CLSTN2: variants seen among roughly 807,000 people sequenced by gnomAD.
The protein encoded by CLSTN2 is calsyntenin 2.
CLSTN2 carries 48 observed loss-of-function variants against 101.2 expected under a neutral mutation model. The ratio of observed to expected loss-of-function variants is 0.47; its 90% CI spans 0.38 to 0.60. CLSTN2 has a LOEUF of 0.60. CLSTN2 is among the 20% of genes least tolerant of loss of function. The probability of loss-of-function intolerance (pLI) is 0.00; values close to 1 mark genes in which losing one functional copy is unlikely to be tolerated. For missense variants in CLSTN2, 1,160 were observed against 1,238.2 expected (o/e 0.94, Z 0.95); for synonymous variants, 481 against 463.6 (o/e 1.04, Z -0.48).
At chr3:140,237,673 T>G (rs1446013974) in intron 2 of CLSTN2, among the ~76,000 whole-genome samples, 1 of 152,240 alleles carries the variant, frequency 6.6e-6, no homozygotes, top group African/African-American at 2.4e-5. Context: ...ACCTTATTTA[T>G]TTCTGTTTCT....
At chr3:140,555,343 T>A (rs1935772900) in intron 10 of CLSTN2, among the ~76,000 whole-genome samples, 1 of 152,182 alleles carries the variant, frequency 6.6e-6, no homozygotes, top group African/African-American at 2.4e-5. Flanking sequence ...ATCAAGCCTA[T>A]TAACAATAGG....
chr3:140,317,645 C>T (rs2087242100), intron 2 of CLSTN2, among the ~76,000 whole-genome samples: 1 of 152,110 alleles, frequency 6.6e-6, no homozygotes, highest in Non-Finnish European at 1.5e-5. Flanking sequence ...CAAATGGGAA[C>T]CTAACTTACT....
chr3:140,472,401 C>T (rs1267743290), intron 8 of CLSTN2, among the ~76,000 whole-genome samples: 1 of 152,150 alleles, frequency 6.6e-6, no homozygotes, highest in Non-Finnish European at 1.5e-5. Context: ...TGCATCTGCT[C>T]ATTCGGTTTC....
chr3:140,001,735 A>G (rs1308691944), intron 1 of CLSTN2, among the ~76,000 whole-genome samples: 1 of 149,470 alleles, frequency 6.7e-6, no homozygotes, highest in East Asian at 1.9e-4. Context: ...TTTTTTCTGT[A>G]CCCATTAACC....
At chr3:140,520,986 G>C (rs1276924820) in intron 8 of CLSTN2, among the ~76,000 whole-genome samples, 1 of 150,044 alleles carries the variant, frequency 6.7e-6, no homozygotes, top group African/African-American at 2.4e-5. Context: ...CTCATGTTGT[G>C]TTCCTCTCTA....
intron 8 of CLSTN2, among the ~76,000 whole-genome samples, chr3:140,473,996 G>A (rs933854735): frequency 3.3e-5 from 5 of 151,978 alleles, no homozygotes; most frequent in South Asian, 2.1e-4. Flanking sequence ...GGATGGTCTC[G>A]ATCTCCTGAC....
At chr3:140,281,985 G>A (rs1335960797) in intron 2 of CLSTN2, among the ~76,000 whole-genome samples, 1 of 152,080 alleles carries the variant, frequency 6.6e-6, no homozygotes, top group African/African-American at 2.4e-5. Flanking sequence ...GAAATAAAAT[G>A]TAATAGTGAC....
intron 12 of CLSTN2, among the ~76,000 whole-genome samples, chr3:140,560,069 C>G (rs927468676): frequency 2.0e-5 from 3 of 152,192 alleles, no homozygotes; most frequent in Non-Finnish European, 4.4e-5. Context: ...CACCAGCATA[C>G]AGGCAATGCA....
chr3:140,177,693 C>T (rs73868800), intron 2 of CLSTN2, among the ~76,000 whole-genome samples: 7,703 of 151,850 alleles, frequency 0.051, 611 homozygotes, highest in African/African-American at 0.17. Context: ...CTCAGGAAGC[C>T]GAGGCAGGAG....
chr3:140,043,623 G>A (rs879168216), intron 1 of CLSTN2, among the ~76,000 whole-genome samples: 1 of 152,124 alleles, frequency 6.6e-6, no homozygotes, highest in Non-Finnish European at 1.5e-5. Flanking sequence ...GAATGGTATT[G>A]CCTAGGTTTT....
At chr3:139,958,263 A>T (rs1417300636) in intron 1 of CLSTN2, among the ~76,000 whole-genome samples, 1 of 152,180 alleles carries the variant, frequency 6.6e-6, no homozygotes, top group Admixed American at 6.5e-5. Flanking sequence ...CTCCACAGTC[A>T]TCAAACACCA....
rs1402476871 is a variant in CLSTN2 at position 140,479,000 on chromosome 3, G to A, written c.1344+12269G>A. 2.0e-5 allele frequency among the ~76,000 whole-genome samples: 3 copies of A among 152,138 alleles called. No individual in the cohort carries two copies. In the East Asian group the frequency reaches 5.8e-4, roughly 29 times the overall value. The stretch of plus-strand genomic sequence containing the variant: ...AATTGAGTTAATACCAATAAGAATG[G>A]AGATGCAGGAAAGGAGGTCAAAATC... On this transcript the variant is annotated intron_variant, in intron 8 of 16. Coordinates refer to ENST00000458420, the MANE Select transcript of CLSTN2 (RefSeq NM_022131.3).
At chr3:140,539,873 C>T (rs2107783493) in intron 9 of CLSTN2, among the ~76,000 whole-genome samples, 1 of 152,290 alleles carries the variant, frequency 6.6e-6, no homozygotes, top group African/African-American at 2.4e-5. Flanking sequence ...TGCTGGACCA[C>T]CTCAGCCAAG....
chr3:140,036,196 G>A (rs543535257), intron 1 of CLSTN2, among the ~76,000 whole-genome samples: 40 of 152,330 alleles, frequency 2.6e-4, no homozygotes, highest in Admixed American at 6.5e-4. Flanking sequence ...AAGCTAGATA[G>A]TATTTGAGGA....
intron 1 of CLSTN2, among the ~76,000 whole-genome samples, chr3:139,950,733 C>A (rs988055946): frequency 2.6e-5 from 4 of 152,128 alleles, no homozygotes; most frequent in Admixed American, 1.3e-4. Flanking sequence ...ATAATGTCTT[C>A]ACTGAATACA....
intron 1 of CLSTN2, among the ~76,000 whole-genome samples, chr3:140,022,295 G>A (rs1261688033): frequency 6.6e-6 from 1 of 152,220 alleles, no homozygotes; most frequent in East Asian, 1.9e-4. Context: ...GAGGGCCTGA[G>A]CCATCCCTGC....
At chr3:139,975,273 A>G (rs1576382742) in intron 1 of CLSTN2, among the ~76,000 whole-genome samples, 2 of 152,192 alleles carry the variant, frequency 1.3e-5, no homozygotes, top group African/African-American at 4.8e-5. Context: ...CACCTTGGGC[A>G]AAGTGGGGGG....
At chr3:140,519,879 G>A (rs565702989) in intron 8 of CLSTN2, among the ~76,000 whole-genome samples, 78 of 152,266 alleles carry the variant, frequency 5.1e-4, no homozygotes, top group African/African-American at 1.2e-3. Flanking sequence ...TTGTAGACTC[G>A]TTTATGTGGT....
intron 1 of CLSTN2, among the ~76,000 whole-genome samples, chr3:139,939,820 A>G (rs1017491024): frequency 2.0e-5 from 3 of 152,180 alleles, no homozygotes; most frequent in African/African-American, 7.2e-5. Context: ...CATTTTTCCA[A>G]CTGAAGCACA....
Sources: allele counts gnomAD v4.1 joint callset (sites outside exome capture counted in the v4.1 genomes callset), GRCh38; gene constraint gnomAD v4.1.1; transcripts MANE v1.5; gene names NCBI Gene and HGNC (gene_info 2026-07-23, HGNC 2026-07-21).